The following CIMAP2 variants were observed in gnomAD, a reference collection of about 807,000 sequenced individuals.
The protein encoded by CIMAP2 is ciliary microtubule-associated protein 2.
the CIMAP2 span, among the ~76,000 whole-genome samples, chr1:54,834,408 C>T: frequency 1.3e-5 from 2 of 152,284 alleles, no homozygotes; most frequent in South Asian, 2.1e-4. Flanking sequence ...TCATGAGAAA[C>T]TTCTTGTCTG....
chr1:54,839,281 G>A, the CIMAP2 span, among the ~76,000 whole-genome samples: 91 of 152,220 alleles, frequency 6.0e-4, no homozygotes, highest in Non-Finnish European at 1.0e-3. Flanking sequence ...GAGGTGGTTC[G>A]GTCAGTCCTT....
the CIMAP2 span, chr1:54,807,213 ACCC>A: frequency 9.5e-7 from 1 of 1,055,118 alleles, no homozygotes; most frequent in Non-Finnish European, 1.5e-6. Flanking sequence ...ACAGAGCTGG[ACCC>A]ACAGTGGGGG....
At chr1:54,810,678 G>A in the CIMAP2 span, among the ~76,000 whole-genome samples, 1 of 152,202 alleles carries the variant, frequency 6.6e-6, no homozygotes, top group Non-Finnish European at 1.5e-5. Context: ...GTGCAGAGCA[G>A]CAGAAAACGT....
chr1:54,812,256 C>T, the CIMAP2 span: 1 of 1,584,584 alleles, frequency 6.3e-7, no homozygotes, highest in Non-Finnish European at 8.6e-7. Flanking sequence ...CACTAGTCAG[C>T]ACCAGGAACA....
the CIMAP2 span, among the ~76,000 whole-genome samples, chr1:54,836,682 G>T: frequency 1.3e-5 from 2 of 152,182 alleles, no homozygotes; most frequent in Admixed American, 1.3e-4. Flanking sequence ...TGCCATAAGC[G>T]TGTGGGGCAG....
At chr1:54,818,764 GT>G in the CIMAP2 span, among the ~76,000 whole-genome samples, 92,757 of 151,662 alleles carry the variant, frequency 0.61, 28,945 homozygotes, top group South Asian at 0.75. Flanking sequence ...GCTAATTTTT[GT>G]TATTTTTTGT....
At chr1:54,815,935 G>C in the CIMAP2 span, among the ~76,000 whole-genome samples, 1 of 149,690 alleles carries the variant, frequency 6.7e-6, no homozygotes, top group Non-Finnish European at 1.5e-5. Context: ...ATGGTGGCAA[G>C]GTCCTCAGTG....
the CIMAP2 span, chr1:54,814,029 G>T: frequency 6.5e-7 from 1 of 1,536,464 alleles, no homozygotes; most frequent in Non-Finnish European, 8.8e-7. Context: ...CTCTCCTTCC[G>T]GGGCTGGGCA....
At chr1:54,824,641 T>C in the CIMAP2 span, among the ~76,000 whole-genome samples, 1 of 150,594 alleles carries the variant, frequency 6.6e-6, no homozygotes, top group South Asian at 2.1e-4. Context: ...ATAAATTCTT[T>C]CTTCTGCTTG....
At chr1:54,832,821 C>T in the CIMAP2 span, among the ~76,000 whole-genome samples, 654 of 152,116 alleles carry the variant, frequency 4.3e-3, 5 homozygotes, top group Middle Eastern at 0.014. Context: ...TGAGGTCAGG[C>T]GTTAGAGACT....
At chr1:54,830,182 A>G in the CIMAP2 span, among the ~76,000 whole-genome samples, 1 of 152,176 alleles carries the variant, frequency 6.6e-6, no homozygotes, top group African/African-American at 2.4e-5. This position sits in a 1 kb window ranked among gnomAD's most constrained non-coding sequence, Gnocchi z 4.1. Flanking sequence ...TTTAGTGATT[A>G]AACTTCCATT....
the CIMAP2 span, among the ~76,000 whole-genome samples, chr1:54,831,053 A>T: frequency 6.6e-6 from 1 of 152,218 alleles, no homozygotes; most frequent in Admixed American, 6.5e-5. Context: ...TTTCAAAGGT[A>T]AAATAAAAAT....
the CIMAP2 span, chr1:54,811,773 G>GGGGGCGCCCCCCCCCCCCC: frequency 7.5e-7 from 1 of 1,325,050 alleles, no homozygotes; most frequent in Non-Finnish European, 1.0e-6. Context: ...CAGCCTCCAT[G>GGGGGCGCCCCCCCCCCCCC]CCCCCACCCC....
At chr1:54,808,061 G>T in the CIMAP2 span, 3 of 1,484,200 alleles carry the variant, frequency 2.0e-6, no homozygotes, top group East Asian at 7.3e-5. Context: ...GGCATACACT[G>T]GGTGCCCAAC....
the CIMAP2 span, chr1:54,812,119 C>T: frequency 6.2e-7 from 1 of 1,614,220 alleles, no homozygotes; most frequent in South Asian, 1.1e-5. Flanking sequence ...TCCGTCGGCA[C>T]CCGCGGCCCC....
At chr1:54,839,395 G>GGC in the CIMAP2 span, among the ~76,000 whole-genome samples, 3 of 592 alleles carry the variant, frequency 5.1e-3, no homozygotes, top group Non-Finnish European at 0.01. Flanking sequence ...TATTTTTCGA[G>GGC]ACAGTTTTAT....
At chr1:54,831,402 C>A in the CIMAP2 span, among the ~76,000 whole-genome samples, 1 of 151,596 alleles carries the variant, frequency 6.6e-6, no homozygotes, top group Non-Finnish European at 1.5e-5. Context: ...CCTGCAATTG[C>A]AGCACTTTGG....
the CIMAP2 span, among the ~76,000 whole-genome samples, chr1:54,823,764 T>C: frequency 2.0e-5 from 3 of 152,230 alleles, no homozygotes; most frequent in Non-Finnish European, 2.9e-5. Context: ...TTTTGTATGT[T>C]TTCATGATTG....
chr1:54,811,773 G>GCACCCCCC, the CIMAP2 span: 1 of 1,325,050 alleles, frequency 7.5e-7, no homozygotes, highest in South Asian at 1.3e-5. Flanking sequence ...CAGCCTCCAT[G>GCACCCCCC]CCCCCACCCC....
Sources: gnomAD v4.1 joint callset for allele counts (sites outside exome capture counted in the v4.1 genomes callset) on GRCh38, gnomAD v4.1.1 for gene constraint, Gnocchi (gnomAD v3.1) non-coding constraint, MANE v1.5 for transcripts, NCBI Gene and HGNC (gene_info 2026-07-23, HGNC 2026-07-21) for gene names.